Variants in PPP4R2 observed in about 807,000 individuals in gnomAD.
PPP4R2 encodes the protein serine/threonine-protein phosphatase 4 regulatory subunit 2.
Under a neutral mutation model 47.2 loss-of-function variants are expected in PPP4R2, and 13 were observed. That is an observed-to-expected ratio of 0.28 (90% CI 0.18 to 0.44). PPP4R2 has a LOEUF of 0.44. Ranked by LOEUF, PPP4R2 falls within the 20% of genes least tolerant of loss-of-function variation. The pLI is 1.00. For synonymous variants in PPP4R2, 151 were observed against 163.3 expected, an observed-to-expected ratio of 0.92 and a Z score of 0.57; for missense variants, 421 against 491.2, an observed-to-expected ratio of 0.86 and a Z score of 1.35.
At chr3:73,049,554 A>C (rs2046797482) in intron 3 of PPP4R2, among the ~76,000 whole-genome samples, 1 of 152,168 alleles carries the variant, frequency 6.6e-6, no homozygotes, top group Non-Finnish European at 1.5e-5. Flanking sequence ...ATATATAAAT[A>C]GTACTTAGAC....
intron 2 of PPP4R2, among the ~76,000 whole-genome samples, chr3:73,041,553 G>C (rs565363082): frequency 6.6e-6 from 1 of 152,172 alleles, no homozygotes; most frequent in South Asian, 2.1e-4. Flanking sequence ...TTTAATGAAT[G>C]ATCATCTCCA....
intron 3 of PPP4R2, among the ~76,000 whole-genome samples, chr3:73,051,996 A>C (rs1288355437): frequency 6.6e-6 from 1 of 152,140 alleles, no homozygotes; most frequent in Non-Finnish European, 1.5e-5. Flanking sequence ...CTGAACTATA[A>C]GCTTCTGGAG....
intron 3 of PPP4R2, among the ~76,000 whole-genome samples, chr3:73,052,382 C>T (rs185039411): frequency 3.5e-4 from 52 of 150,480 alleles, no homozygotes; most frequent in East Asian, 2.7e-3. Flanking sequence ...TTAAAATGAA[C>T]GAAACTAAAA....
chr3:73,016,820 T>TC (rs886527193), intron 2 of PPP4R2, among the ~76,000 whole-genome samples: 1 of 143,248 alleles, frequency 7.0e-6, no homozygotes, highest in African/African-American at 2.6e-5. Context: ...TTTCTTTTTT[T>TC]TTTTTTTTTT....
intron 3 of PPP4R2, among the ~76,000 whole-genome samples, chr3:73,055,916 T>A (rs1488373996): frequency 6.6e-6 from 1 of 152,144 alleles, no homozygotes; most frequent in Non-Finnish European, 1.5e-5. Context: ...CAGGGTTTTT[T>A]ATTTTACAGT....
intron 2 of PPP4R2, among the ~76,000 whole-genome samples, chr3:73,037,539 C>CT (rs891984218): frequency 1.3e-5 from 2 of 152,090 alleles, no homozygotes; most frequent in African/African-American, 2.4e-5. Flanking sequence ...AGGATTGCTG[C>CT]TAGATAGAGG....
At chr3:73,028,774 T>G (rs2107270926) in intron 2 of PPP4R2, among the ~76,000 whole-genome samples, 1 of 152,108 alleles carries the variant, frequency 6.6e-6, no homozygotes, top group East Asian at 1.9e-4. Context: ...TGCAAAAGCC[T>G]TAAGTAGGAC....
At chr3:73,035,908 G>T (rs565629331) in intron 2 of PPP4R2, among the ~76,000 whole-genome samples, 1 of 152,152 alleles carries the variant, frequency 6.6e-6, no homozygotes, top group Non-Finnish European at 1.5e-5. Context: ...GAGCCACTGC[G>T]CCCGGCCAAT....
At chr3:73,017,532 G>GT (rs1701867379) in intron 2 of PPP4R2, among the ~76,000 whole-genome samples, 1 of 151,966 alleles carries the variant, frequency 6.6e-6, no homozygotes, top group South Asian at 2.1e-4. Context: ...AAAGGGAAGA[G>GT]TTAGATATAT....
chr3:73,043,826 G>A (rs943186105), intron 2 of PPP4R2, among the ~76,000 whole-genome samples: 2 of 152,164 alleles, frequency 1.3e-5, no homozygotes, highest in African/African-American at 4.8e-5. Flanking sequence ...GTACACTCAC[G>A]ATGTATGTTA....
At chr3:73,023,756 A>G (rs528408700) in intron 2 of PPP4R2, among the ~76,000 whole-genome samples, 1 of 152,274 alleles carries the variant, frequency 6.6e-6, no homozygotes, top group African/African-American at 2.4e-5. Context: ...ATGGAAGTGG[A>G]CCATTTAGTA....
chr3:73,054,906 A>AG (rs1241131662), intron 3 of PPP4R2, among the ~76,000 whole-genome samples: 1 of 152,196 alleles, frequency 6.6e-6, no homozygotes, highest in Non-Finnish European at 1.5e-5. Context: ...CTTTTAAAAA[A>AG]TAGCATTGAA....
chr3:73,062,109 T>TA (rs1559569556), intron 5 of PPP4R2: 3 of 1,546,466 alleles, frequency 1.9e-6, no homozygotes, highest in Middle Eastern at 2.1e-4. Context: ...ATTGTATGCT[T>TA]ATGTTAATTC....
At chr3:73,031,100 A>G (rs1177059298) in intron 2 of PPP4R2, among the ~76,000 whole-genome samples, 1 of 152,160 alleles carries the variant, frequency 6.6e-6, no homozygotes, top group African/African-American at 2.4e-5. Flanking sequence ...TGGATAGGAA[A>G]TCCTGGTGGA....
At chr3:73,019,810 C>T (rs1701923219) in intron 2 of PPP4R2, among the ~76,000 whole-genome samples, 1 of 152,074 alleles carries the variant, frequency 6.6e-6, no homozygotes, top group Admixed American at 6.6e-5. Flanking sequence ...TTCCATATGT[C>T]CAGATTCTGT....
chr3:73,011,067 C>T (rs1394307939), intron 2 of PPP4R2, among the ~76,000 whole-genome samples: 1 of 152,186 alleles, frequency 6.6e-6, no homozygotes, highest in African/African-American at 2.4e-5. Context: ...ATTCTGGCTC[C>T]AAATCCTCTT....
chr3:72,999,078 C>T (rs538182234), intron 2 of PPP4R2, among the ~76,000 whole-genome samples: 1 of 152,202 alleles, frequency 6.6e-6, no homozygotes, highest in South Asian at 2.1e-4. Context: ...AACAACTAGC[C>T]TAATTTTAGA....
At chr3:73,056,954 A>G (rs542955928) in intron 3 of PPP4R2, among the ~76,000 whole-genome samples, 3 of 152,300 alleles carry the variant, frequency 2.0e-5, no homozygotes, top group South Asian at 2.1e-4. Flanking sequence ...GTTAAGTACT[A>G]TTTGAATACC....
rs367983359 is a variant in PPP4R2, at chr3:73,046,143, A to G, written c.117-1043A>G. On this transcript the variant is annotated intron_variant, in intron 2 of 8. Coordinates refer to ENST00000356692, the MANE Select transcript of PPP4R2 (RefSeq NM_174907.4). The stretch of plus-strand genomic sequence containing the variant: ...AATACAGTTTGGTGCTGCTGTCCTG[A>G]CTCTTGCTACATGGATTATCAGTTT... Among the ~76,000 whole-genome samples, 5 of 152,166 alleles carry G rather than the reference A, an allele frequency of 3.3e-5. No individual in the cohort carries two copies. The East Asian group carries it at 5.8e-4, about 18-fold the overall frequency.
Sources: gnomAD v4.1 joint callset for allele counts (sites outside exome capture counted in the v4.1 genomes callset) on GRCh38, gnomAD v4.1.1 for gene constraint, MANE v1.5 for transcripts, NCBI Gene and HGNC (gene_info 2026-07-23, HGNC 2026-07-21) for gene names.